CCSER1: variants seen among roughly 807,000 people sequenced by gnomAD.
CCSER1 encodes the protein coiled-coil serine rich protein 1, also known as serine-rich coiled-coil domain-containing protein 1.
In CCSER1, 41 loss-of-function variants were observed where a neutral mutation model predicts 82.0. The ratio of observed to expected loss-of-function variants is 0.50; its 90% CI spans 0.39 to 0.65. The LOEUF (loss-of-function observed/expected upper bound fraction) is 0.65. CCSER1 is among the 30% of genes least tolerant of loss of function. The probability of loss-of-function intolerance (pLI) is 0.00; values close to 1 mark genes in which losing one functional copy is unlikely to be tolerated. For synonymous variants in CCSER1, 414 were observed against 383.9 expected, an observed-to-expected ratio of 1.08 and a Z score of -0.92; for missense variants, 1,119 against 1,064.2, an observed-to-expected ratio of 1.05 and a Z score of -0.72.
At chr4:91,594,341 A>G (rs1764423614) in intron 10 of CCSER1, among the ~76,000 whole-genome samples, 1 of 146,362 alleles carries the variant, frequency 6.8e-6, no homozygotes, top group African/African-American at 2.6e-5. Context: ...ACACACATAT[A>G]TATACATATA....
intron 5 of CCSER1, among the ~76,000 whole-genome samples, chr4:90,601,111 T>C (rs1400294665): frequency 6.6e-6 from 1 of 152,104 alleles, no homozygotes; most frequent in African/African-American, 2.4e-5. Context: ...AATACAGTTT[T>C]ATTTCTTTCT....
At chr4:90,934,845 C>T (rs949085006) in intron 9 of CCSER1, among the ~76,000 whole-genome samples, 5 of 152,004 alleles carry the variant, frequency 3.3e-5, no homozygotes, top group African/African-American at 4.8e-5. Flanking sequence ...GCAAGAGAAT[C>T]GCTTGAACCC....
chr4:91,381,429 C>G (rs552829204), intron 10 of CCSER1, among the ~76,000 whole-genome samples: 1 of 152,064 alleles, frequency 6.6e-6, no homozygotes, highest in Non-Finnish European at 1.5e-5. Flanking sequence ...CATATTTCTT[C>G]GAGGCTTTGT....
chr4:90,711,324 CTT>C (rs1290608961), intron 6 of CCSER1, among the ~76,000 whole-genome samples: 1 of 152,026 alleles, frequency 6.6e-6, no homozygotes, highest in African/African-American at 2.4e-5. Context: ...TGCTTTATAT[CTT>C]TCTCTTGCCT....
At chr4:91,470,461 A>C (rs1455829577) in intron 10 of CCSER1, among the ~76,000 whole-genome samples, 1 of 152,046 alleles carries the variant, frequency 6.6e-6, no homozygotes, top group Non-Finnish European at 1.5e-5. Flanking sequence ...AAATAAAAAT[A>C]AATGAGATCC....
chr4:91,450,241 A>G (rs1171517050), intron 10 of CCSER1, among the ~76,000 whole-genome samples: 1 of 152,180 alleles, frequency 6.6e-6, no homozygotes, highest in East Asian at 1.9e-4. Flanking sequence ...GACGATCATG[A>G]ATTTCTTAGA....
chr4:90,691,222 T>G (rs1429247095), intron 6 of CCSER1, among the ~76,000 whole-genome samples: 1 of 151,876 alleles, frequency 6.6e-6, no homozygotes, highest in Non-Finnish European at 1.5e-5. Flanking sequence ...TTACAGAGGG[T>G]TTATACATAC....
At chr4:90,147,226 A>C (rs1294972857) in intron 1 of CCSER1, among the ~76,000 whole-genome samples, 1 of 144,094 alleles carries the variant, frequency 6.9e-6, no homozygotes, top group Non-Finnish European at 1.6e-5. Context: ...AAATTTCTCA[A>C]ATTTAATGAT....
intron 8 of CCSER1, among the ~76,000 whole-genome samples, chr4:90,872,850 G>A (rs1454046517): frequency 6.6e-6 from 1 of 151,798 alleles, no homozygotes; most frequent in Non-Finnish European, 1.5e-5. Flanking sequence ...GAAAGACTTT[G>A]TATCTCCTTC....
chr4:90,365,802 G>A (rs1746183681), intron 3 of CCSER1, among the ~76,000 whole-genome samples: 1 of 151,848 alleles, frequency 6.6e-6, no homozygotes, highest in Admixed American at 6.6e-5. Context: ...ATTCCTGCTT[G>A]ATAATCATAA....
chr4:91,516,835 A>G (rs1015528047), intron 10 of CCSER1, among the ~76,000 whole-genome samples: 3 of 152,158 alleles, frequency 2.0e-5, no homozygotes, highest in Non-Finnish European at 4.4e-5. Flanking sequence ...CCTATTTATG[A>G]GCATGGAGTG....
chr4:91,337,115 G>A (rs1747375932), intron 10 of CCSER1, among the ~76,000 whole-genome samples: 1 of 152,068 alleles, frequency 6.6e-6, no homozygotes, highest in Admixed American at 6.6e-5. Context: ...CTATGCTAAA[G>A]TCTGCACATT....
intron 3 of CCSER1, among the ~76,000 whole-genome samples, chr4:90,337,478 G>A (rs185175336): frequency 7.0e-4 from 107 of 152,246 alleles, no homozygotes; most frequent in African/African-American, 2.0e-3. Context: ...GGAAAGTATA[G>A]CACTTCAGCC....
chr4:90,331,097 A>C (rs1040996336), intron 3 of CCSER1, among the ~76,000 whole-genome samples: 2 of 152,066 alleles, frequency 1.3e-5, no homozygotes, highest in African/African-American at 4.8e-5. Context: ...AAAAAATAAG[A>C]ATACTTTTAC....
chr4:91,144,468 A>G (rs1474774452), intron 10 of CCSER1, among the ~76,000 whole-genome samples: 1 of 151,394 alleles, frequency 6.6e-6, no homozygotes, highest in Non-Finnish European at 1.5e-5. Context: ...GTTTAGTTCT[A>G]TTTGGATTTT....
chr4:90,357,137 T>C (rs192565161), intron 3 of CCSER1, among the ~76,000 whole-genome samples: 1 of 151,936 alleles, frequency 6.6e-6, no homozygotes, highest in Admixed American at 6.6e-5. Context: ...TATTTAATTA[T>C]AGAATTTCAG....
chr4:90,426,086 G>A (rs1757493040), intron 4 of CCSER1, among the ~76,000 whole-genome samples: 1 of 152,086 alleles, frequency 6.6e-6, no homozygotes, highest in Non-Finnish European at 1.5e-5. Context: ...AACTCTTCGT[G>A]GAAAGTGCGA....
Position 90,276,315 on chromosome 4 carries a change from CTTT to C in CCSER1, c.-41-31926_-41-31924del, listed in dbSNP as rs1328914103. ...CCTTCCTTCCTTCCTTCCTTTCTTT[CTTT>C]TTCTTTCTTTCTTTCTTTCTTCTTT... On this transcript the variant is annotated intron_variant, in intron 1 of 10. Transcript: ENST00000509176. 6.3e-3 allele frequency among the ~76,000 whole-genome samples: 617 copies of C among 97,868 alleles called. 7 individuals are homozygous for C. Among genetic ancestry groups the C allele is most frequent in the African/African-American group, 0.014 (313 of 21,850 alleles). The allele number at this position is 97,868 out of a possible 152,430, so 64.2% of individuals were successfully genotyped here.
chr4:90,776,757 G>T (rs2149589465), intron 7 of CCSER1, among the ~76,000 whole-genome samples: 1 of 152,224 alleles, frequency 6.6e-6, no homozygotes, highest in African/African-American at 2.4e-5. Context: ...TACAAATGAG[G>T]AAACTGAAGT....
Sources: gnomAD v4.1 joint callset for allele counts (sites outside exome capture counted in the v4.1 genomes callset) on GRCh38, gnomAD v4.1.1 for gene constraint, MANE v1.5 for transcripts, NCBI Gene and HGNC (gene_info 2026-07-23, HGNC 2026-07-21) for gene names.